The following SGCZ variants were observed in gnomAD, a reference collection of about 807,000 sequenced individuals.
SGCZ encodes the protein zeta-sarcoglycan.
SGCZ carries 40 observed loss-of-function variants against 41.3 expected under a neutral mutation model. That is an observed-to-expected ratio of 0.97 (90% CI 0.75 to 1.26). The LOEUF (loss-of-function observed/expected upper bound fraction) is 1.26. Ranked by LOEUF, SGCZ falls within the 50% of genes most tolerant of loss-of-function variation. SGCZ has a pLI of 0.00. For synonymous variants in SGCZ, 206 were observed against 137.5 expected, an observed-to-expected ratio of 1.50 and a Z score of -3.49; for missense variants, 552 against 369.8, an observed-to-expected ratio of 1.49 and a Z score of -4.04.
intron 1 of SGCZ, among the ~76,000 whole-genome samples, chr8:14,862,983 T>C (rs1478049737): frequency 2.0e-5 from 3 of 152,062 alleles, no homozygotes; most frequent in Non-Finnish European, 4.4e-5. Context: ...GCCTTCCAAG[T>C]TGAAGGGAAA....
chr8:14,860,211 T>G (rs1803674575), intron 1 of SGCZ, among the ~76,000 whole-genome samples: 1 of 151,458 alleles, frequency 6.6e-6, no homozygotes, highest in African/African-American at 2.4e-5. Flanking sequence ...TTTTTTTTCT[T>G]CTTATTGACA....
chr8:14,785,825 T>C (rs1185835022), intron 1 of SGCZ, among the ~76,000 whole-genome samples: 4 of 152,150 alleles, frequency 2.6e-5, no homozygotes, highest in African/African-American at 9.7e-5. Flanking sequence ...GGTTCTCATA[T>C]TCATTTTTAC....
intron 3 of SGCZ, among the ~76,000 whole-genome samples, chr8:14,316,531 A>G (rs1005527947): frequency 6.6e-6 from 1 of 152,020 alleles, no homozygotes; most frequent in Non-Finnish European, 1.5e-5. Context: ...GAGTTAATAG[A>G]AGGAAGGATT....
chr8:14,815,676 G>A (rs539246513), intron 1 of SGCZ, among the ~76,000 whole-genome samples: 1 of 152,270 alleles, frequency 6.6e-6, no homozygotes, highest in South Asian at 2.1e-4. Flanking sequence ...AGGTAGCAGT[G>A]TGAACAACTA....
chr8:14,321,606 A>G (rs1383134693), intron 3 of SGCZ, among the ~76,000 whole-genome samples: 1 of 152,124 alleles, frequency 6.6e-6, no homozygotes, highest in East Asian at 1.9e-4. Context: ...TAAAGAGAGC[A>G]ACAGCATGGC....
At chr8:14,190,263 C>A (rs1179675088) in intron 4 of SGCZ, among the ~76,000 whole-genome samples, 1 of 151,942 alleles carries the variant, frequency 6.6e-6, no homozygotes, top group Non-Finnish European at 1.5e-5. Context: ...CCGCCCACCT[C>A]GGCCTCCCAA....
intron 1 of SGCZ, among the ~76,000 whole-genome samples, chr8:14,570,523 TC>T (rs1214385703): frequency 6.6e-6 from 1 of 152,242 alleles, no homozygotes; most frequent in Non-Finnish European, 1.5e-5. Flanking sequence ...TAACAGCTTA[TC>T]TAAGATATAA....
intron 2 of SGCZ, among the ~76,000 whole-genome samples, chr8:14,437,464 G>C (rs1252522733): frequency 6.6e-6 from 1 of 151,916 alleles, no homozygotes; most frequent in Non-Finnish European, 1.5e-5. Context: ...ATACATTAAA[G>C]AAATCTGCAA....
At chr8:14,811,546 T>TC (rs1554504187) in intron 1 of SGCZ, among the ~76,000 whole-genome samples, 13 of 145,602 alleles carry the variant, frequency 8.9e-5, no homozygotes, top group Non-Finnish European at 1.8e-4. Context: ...TTTTTTTTTT[T>TC]CGGAATCACA....
intron 2 of SGCZ, among the ~76,000 whole-genome samples, chr8:14,467,943 T>A (rs1801099680): frequency 6.6e-6 from 1 of 152,034 alleles, no homozygotes; most frequent in Admixed American, 6.6e-5. Flanking sequence ...ACTTAAATAT[T>A]ATTTTGAAAC....
intron 1 of SGCZ, among the ~76,000 whole-genome samples, chr8:14,857,547 T>C (rs1278548701): frequency 6.6e-6 from 1 of 152,096 alleles, no homozygotes; most frequent in African/African-American, 2.4e-5. Flanking sequence ...AACCTCAGAA[T>C]CACCTAAAAT....
chr8:14,563,462 T>C (rs1332861108), intron 1 of SGCZ, among the ~76,000 whole-genome samples: 1 of 152,190 alleles, frequency 6.6e-6, no homozygotes, highest in Non-Finnish European at 1.5e-5. Flanking sequence ...ACAATTCGTT[T>C]AAGTTGTTGT....
rs528560761 is a variant in SGCZ at position 14,433,651 on chromosome 8, A to T, written c.235-109447T>A. On this transcript the variant is annotated intron_variant, in intron 2 of 7. Transcript: ENST00000382080. ...CCTTTTCCTATTTAGAAAAAAAAATAAAAAAGGTGCAGCTTGTTGCCAATG... is the reference window on the plus strand; with the variant it reads ...CCTTTTCCTATTTAGAAAAAAAAATTAAAAAGGTGCAGCTTGTTGCCAATG... 4.6e-5 allele frequency among the ~76,000 whole-genome samples: 7 copies of T among 152,106 alleles called. No homozygotes were observed. In the East Asian group the frequency reaches 5.8e-4, roughly 13 times the overall value.
At chr8:14,543,886 T>C (rs1471696644) in intron 2 of SGCZ, among the ~76,000 whole-genome samples, 2 of 152,170 alleles carry the variant, frequency 1.3e-5, no homozygotes, top group Non-Finnish European at 2.9e-5. Context: ...CTGATTTGAT[T>C]ACAGAATTTG....
intron 1 of SGCZ, among the ~76,000 whole-genome samples, chr8:14,585,751 T>C (rs998985152): frequency 2.0e-5 from 3 of 152,170 alleles, no homozygotes; most frequent in African/African-American, 7.2e-5. Context: ...CAACGATTAA[T>C]TGTTTATTGC....
chr8:15,151,587 C>T (rs1799181251), intron 1 of SGCZ, among the ~76,000 whole-genome samples: 2 of 152,158 alleles, frequency 1.3e-5, no homozygotes, highest in South Asian at 2.1e-4. Context: ...AATCTGAATA[C>T]ATTTTCACAA....
intron 2 of SGCZ, among the ~76,000 whole-genome samples, chr8:14,482,819 G>T (rs772109204): frequency 8.6e-5 from 13 of 151,760 alleles, no homozygotes; most frequent in Non-Finnish European, 1.9e-4. Context: ...CCTGCCCTTG[G>T]ACTAGGCCTT....
intron 3 of SGCZ, among the ~76,000 whole-genome samples, chr8:14,259,806 T>C (rs201182182): frequency 0.25 from 36,744 of 149,584 alleles, 5,099 homozygotes; most frequent in South Asian, 0.45. Context: ...TCTTTTTTGG[T>C]TCCATATGAA....
intron 2 of SGCZ, among the ~76,000 whole-genome samples, chr8:14,421,096 C>G (rs1799624459): frequency 6.6e-6 from 1 of 152,040 alleles, no homozygotes; most frequent in Non-Finnish European, 1.5e-5. Context: ...CTTTCCCCAT[C>G]AAGTGAAAAT....
Sources: gnomAD v4.1 joint callset for allele counts (sites outside exome capture counted in the v4.1 genomes callset) on GRCh38, gnomAD v4.1.1 for gene constraint, MANE v1.5 for transcripts, NCBI Gene and HGNC (gene_info 2026-07-23, HGNC 2026-07-21) for gene names.